Variants in SLC39A8 observed in about 807,000 individuals in gnomAD.
SLC39A8 encodes the protein solute carrier family 39 member 8.
A neutral mutation model predicts 40.4 loss-of-function variants in SLC39A8; 15 were observed. The ratio of observed to expected loss-of-function variants is 0.37; its 90% CI spans 0.25 to 0.57. The LOEUF is 0.57. Among genes scored for constraint, SLC39A8 ranks in the 20% least tolerant of loss-of-function variants. The probability of loss-of-function intolerance (pLI) is 0.75; values close to 1 mark genes in which losing one functional copy is unlikely to be tolerated. For missense variants in SLC39A8, 472 were observed against 558.8 expected (o/e 0.84, Z 1.57); for synonymous variants, 223 against 221.6 (o/e 1.01, Z -0.06).
chr4:102,344,082 T>C (rs376147084), intron 2 of SLC39A8, among the ~76,000 whole-genome samples: 1 of 152,208 alleles, frequency 6.6e-6, no homozygotes, highest in African/African-American at 2.4e-5. Context: ...GTGCGAGCCG[T>C]TATCTTTCTG....
intron 11 of SLC39A8, among the ~76,000 whole-genome samples, chr4:102,254,258 G>A (rs1731660721): frequency 6.6e-6 from 1 of 152,056 alleles, no homozygotes. Flanking sequence ...GATATCATTG[G>A]TTTTCCACAT....
In SLC39A8 at chr4:102,262,501, G is replaced by A. The variant is rs1223654601; in HGVS notation, c.*543C>T. 1 of 985,080 alleles carries A rather than the reference G, an allele frequency of 1.0e-6. No homozygotes were observed. The highest frequency in any genetic ancestry group is 1.2e-6 in the Non-Finnish European group (1 of 829,658). 61.0% of individuals were successfully genotyped at this position (985,080 alleles called of 1,614,324 possible). A position where few individuals can be genotyped will look rare whatever the true frequency, so the allele number is the denominator to read the frequency against. ...AAGTTCCTAATTGAAATACAAAACA[G>A]AACAAAAAGCTGTGAGAAATCTTTT... On this transcript the variant is annotated 3_prime_UTR_variant, in exon 9 of 9. Transcript: ENST00000356736.
At chr4:102,251,328 G>A (rs555695658) in exon 12 of SLC39A8, 1 of 152,214 alleles carries the variant, frequency 6.6e-6, no homozygotes, top group South Asian at 2.1e-4. Flanking sequence ...CCAGCCCTGA[G>A]CCAGTGCAAG....
At chr4:102,281,492 C>T (rs552033641) in intron 6 of SLC39A8, among the ~76,000 whole-genome samples, 1 of 152,262 alleles carries the variant, frequency 6.6e-6, no homozygotes, top group South Asian at 2.1e-4. Flanking sequence ...AGAGAGACTG[C>T]TTTCTGTGGC....
intron 2 of SLC39A8, among the ~76,000 whole-genome samples, chr4:102,317,753 A>AAGTAGG (rs1734725082): frequency 6.6e-6 from 1 of 152,154 alleles, no homozygotes; most frequent in Non-Finnish European, 1.5e-5. Context: ...AAATTCCTCC[A>AAGTAGG]ACTGTAAAAT....
chr4:102,333,242 G>A (rs1253459394), intron 2 of SLC39A8, among the ~76,000 whole-genome samples: 1 of 152,076 alleles, frequency 6.6e-6, no homozygotes, highest in Non-Finnish European at 1.5e-5. Context: ...AGATATGTGA[G>A]GCAAGACTGG....
At chr4:102,294,245 G>A (rs1156303660) in intron 6 of SLC39A8, among the ~76,000 whole-genome samples, 1 of 151,958 alleles carries the variant, frequency 6.6e-6, no homozygotes, top group African/African-American at 2.4e-5. Flanking sequence ...CCAAATTTCA[G>A]TTAGGCTCCT....
intron 2 of SLC39A8, among the ~76,000 whole-genome samples, chr4:102,337,824 T>C (rs1355301126): frequency 6.6e-6 from 1 of 152,210 alleles, no homozygotes; most frequent in Non-Finnish European, 1.5e-5. Context: ...AGTACTATTG[T>C]TGCTCAAAAT....
chr4:102,279,281 A>G (rs1218268054), intron 6 of SLC39A8, among the ~76,000 whole-genome samples: 1 of 152,098 alleles, frequency 6.6e-6, no homozygotes, highest in Non-Finnish European at 1.5e-5. Context: ...AGTAGAGACT[A>G]ACTCCTGGCA....
chr4:102,275,820 G>T (rs1392558174), intron 6 of SLC39A8, among the ~76,000 whole-genome samples: 3 of 152,128 alleles, frequency 2.0e-5, no homozygotes, highest in Non-Finnish European at 4.4e-5. Flanking sequence ...TAGAACTCAG[G>T]ATTAAGAAAC....
intron 6 of SLC39A8, among the ~76,000 whole-genome samples, chr4:102,272,678 G>A (rs370659667): frequency 8.7e-4 from 133 of 152,250 alleles, no homozygotes; most frequent in African/African-American, 3.1e-3. Context: ...TGGCCAAGTA[G>A]GAACAGCTCT....
chr4:102,344,071 T>C (rs1578637149), intron 2 of SLC39A8, among the ~76,000 whole-genome samples: 2 of 152,186 alleles, frequency 1.3e-5, no homozygotes. Flanking sequence ...TTGTAGGAAG[T>C]GTGCGAGCCG....
rs1402013218 is a variant in SLC39A8 at position 102,262,690 on chromosome 4, AG to A, written c.*353del. Reference sequence around the variant, plus strand: ...CTTTGATCCTACCATAGAGTTTTAAAGGCTTTCAGGATATAACTTGTATTTT... The same window carrying A: ...CTTTGATCCTACCATAGAGTTTTAAAGCTTTCAGGATATAACTTGTATTTT... On this transcript the variant is annotated 3_prime_UTR_variant, in exon 9 of 9. Coordinates refer to ENST00000356736, the MANE Select transcript of SLC39A8 (RefSeq NM_001135146.2). 1.2e-5 allele frequency: 12 copies of A among 1,000,882 alleles called. No homozygotes were observed. Among genetic ancestry groups the A allele is most frequent in the Non-Finnish European group, 1.4e-5 (12 of 840,314 alleles). The allele number at this position is 1,000,882 out of a possible 1,614,324, so 62.0% of individuals were successfully genotyped here.
At position 102,261,678 on chromosome 4, in the gene SLC39A8, G is replaced by C; in HGVS notation, c.*1366C>G. On this transcript the variant is annotated 3_prime_UTR_variant, in exon 9 of 9. Coordinates refer to ENST00000356736, the MANE Select transcript of SLC39A8 (RefSeq NM_001135146.2). ...ATGACACAATACATGGTTTCAAAAG[G>C]GTGTTTACTATTTGGCCAAACAATA... The C allele has an allele frequency of 1.0e-6, 1 of 975,442 alleles. No individual in the cohort carries two copies. Among genetic ancestry groups the C allele is most frequent in the Non-Finnish European group, 1.2e-6 (1 of 820,440 alleles). 60.4% of individuals were successfully genotyped at this position (975,442 alleles called of 1,614,324 possible).
intron 6 of SLC39A8, among the ~76,000 whole-genome samples, chr4:102,300,298 T>C (rs1014788600): frequency 1.3e-5 from 2 of 152,098 alleles, no homozygotes; most frequent in Non-Finnish European, 2.9e-5. Context: ...CTGTGATAAA[T>C]ATGCTTCCAT....
At chr4:102,289,381 T>C (rs929791798) in intron 6 of SLC39A8, among the ~76,000 whole-genome samples, 3 of 152,152 alleles carry the variant, frequency 2.0e-5, no homozygotes, top group African/African-American at 4.8e-5. Flanking sequence ...TACAAGGAGA[T>C]GAATGTCGTT....
In SLC39A8 at chr4:102,344,493, G is replaced by A; in HGVS notation, c.170C>T (p.Ala57Val). 6.4e-7 allele frequency: 1 copy of A among 1,554,084 alleles called. No individual in the cohort carries two copies. The highest frequency in any genetic ancestry group is 1.4e-5 in the African/African-American group (1 of 72,662). ...QLQHLLEQMG[A>V]ASRVGVPEPG... ...CTCCGGGACGCCCACGCGGGAGGCG[G>A]CTCCCATCTGCTCCAGCAAGTGCTG... Residue 57 changes from alanine to valine, a missense_variant, in exon 2 of 9, where the codon GCC becomes GTC. Transcript: ENST00000356736.
Position 102,304,994 on chromosome 4 carries a change from C to T in SLC39A8, c.670G>A (p.Gly224Ser). 1 of 1,601,688 alleles carries T rather than the reference C, an allele frequency of 6.2e-7. No homozygotes were observed. ...TTTAAATAAAGTCCATTTACCTGAC[C>T]ATATGTCTTTAATAACATCTTTAGC... is the stretch of plus-strand genomic sequence containing the variant. The part of the protein sequence containing the change: ...RMLKMLLKTY[G>S]QNGHTHFGND... The change falls in exon 5 of 9, where the codon GGT becomes AGT. Residue 224 changes from glycine to serine, a missense_variant. Coordinates refer to ENST00000356736, the MANE Select transcript of SLC39A8 (RefSeq NM_001135146.2).
intron 6 of SLC39A8, among the ~76,000 whole-genome samples, chr4:102,280,838 G>A (rs1440259247): frequency 6.6e-6 from 1 of 152,116 alleles, no homozygotes; most frequent in East Asian, 1.9e-4. Flanking sequence ...CAATCCTGTG[G>A]AATGTGAGTA....
Sources: gnomAD v4.1 joint callset for allele counts (sites outside exome capture counted in the v4.1 genomes callset) on GRCh38, gnomAD v4.1.1 for gene constraint, MANE v1.5 for transcripts, NCBI Gene and HGNC (gene_info 2026-07-23, HGNC 2026-07-21) for gene names.